ZNF366: variants seen among roughly 807,000 people sequenced by gnomAD.
ZNF366 encodes the protein dendritic cell-specific transcript protein.
In ZNF366, 20 loss-of-function variants were observed where a neutral mutation model predicts 47.2. The observed-to-expected ratio is 0.42, with a 90% CI of 0.30 to 0.62. The LOEUF is 0.62. Among genes scored for constraint, ZNF366 ranks in the 20% least tolerant of loss-of-function variants. The pLI is 0.16. For missense variants in ZNF366, 987 were observed against 976.3 expected (o/e 1.01, Z -0.15); for synonymous variants, 421 against 395.1 (o/e 1.07, Z -0.78).
At position 72,499,783 on chromosome 5, in the gene ZNF366, A is replaced by G. The variant is rs1482036360; in HGVS notation, c.-15+7468T>C. On this transcript the variant is annotated intron_variant, in intron 1 of 4. Transcript: ENST00000318442. ...TAGGCGTTCCATTAAACAGCGCTGA[A>G]AACCTGAAATTCCTCATCTCCCTGC... Among the ~76,000 whole-genome samples the G allele has an allele frequency of 2.0e-5, 3 of 152,088 alleles. No individual in the cohort carries two copies. In the East Asian group the frequency reaches 5.8e-4, roughly 29 times the overall value.
chr5:72,495,023 A>G (rs889485101), intron 1 of ZNF366, among the ~76,000 whole-genome samples: 1 of 152,124 alleles, frequency 6.6e-6, no homozygotes, highest in Non-Finnish European at 1.5e-5. Context: ...ACTCCAGGGG[A>G]TGGAATCTTG....
At chr5:72,455,446 G>C (rs1390606056) in intron 3 of ZNF366, among the ~76,000 whole-genome samples, 2 of 152,130 alleles carry the variant, frequency 1.3e-5, no homozygotes, top group Admixed American at 6.5e-5. Context: ...CAAACAGAAG[G>C]GCTGTAACGA....
rs1374760309 is a variant in ZNF366 at position 72,441,212 on chromosome 5, C to T, written c.*2544G>A. The T allele has an allele frequency of 6.6e-6, 1 of 152,206 alleles. No homozygotes were observed. The highest frequency in any genetic ancestry group is 2.4e-5 in the African/African-American group (1 of 41,446). The allele number at this position is 152,206 out of a possible 1,614,324, so 9.4% of individuals were successfully genotyped here. A position where few individuals can be genotyped will look rare whatever the true frequency, so the allele number is the denominator to read the frequency against. On this transcript the variant is annotated 3_prime_UTR_variant, in exon 5 of 5. Coordinates refer to ENST00000318442, the MANE Select transcript of ZNF366 (RefSeq NM_152625.3). ...TTGGAAAGGACTAGAGCCTGTTACTCTAGAATTTCCTGGTTTCCATTCCAG... is the reference window on the plus strand; with the variant it reads ...TTGGAAAGGACTAGAGCCTGTTACTTTAGAATTTCCTGGTTTCCATTCCAG...
chr5:72,447,265 C>G lies in ZNF366; in HGVS notation c.1677G>C (p.Met559Ile). 1 of 1,614,200 alleles carries G rather than the reference C, an allele frequency of 6.2e-7. No individual in the cohort carries two copies. Among genetic ancestry groups the G allele is most frequent in the Non-Finnish European group, 8.5e-7 (1 of 1,180,034 alleles). ...TACCTTGGGAATGAAGGCCCCGCTC[C>G]ATGACTCCATGCTTGACTTTCATGT... is the stretch of plus-strand genomic sequence containing the variant. ...TRHMKVKHGV[M>I]ERGLHSQGLG... is the part of the protein sequence containing the mutation. Residue 559 changes from methionine (M) to isoleucine (I), a missense_variant, in exon 4 of 5, where the codon ATG becomes ATC. This residue lies in a region of ZNF366 where 285 missense variants were observed against 234.8 expected (regional missense o/e 1.21). Coordinates refer to ENST00000318442, the MANE Select transcript of ZNF366 (RefSeq NM_152625.3).
intron 3 of ZNF366, among the ~76,000 whole-genome samples, chr5:72,455,147 G>C (rs1421905917): frequency 6.6e-6 from 1 of 152,164 alleles, no homozygotes; most frequent in East Asian, 1.9e-4. Flanking sequence ...AACAGAAGTG[G>C]GTGGCAGGAA....
intron 1 of ZNF366, among the ~76,000 whole-genome samples, chr5:72,485,276 G>A (rs1743871029): frequency 6.6e-6 from 1 of 152,136 alleles, no homozygotes; most frequent in Admixed American, 6.5e-5. Flanking sequence ...TGCTCCATGA[G>A]GTCAGGGATC....
chr5:72,504,088 C>T (rs544044983), intron 1 of ZNF366, among the ~76,000 whole-genome samples: 32 of 151,674 alleles, frequency 2.1e-4, no homozygotes, highest in South Asian at 1.3e-3. Flanking sequence ...CACATGCGCG[C>T]GCACACACGC....
At chr5:72,469,781 C>T (rs1217370028) in intron 1 of ZNF366, among the ~76,000 whole-genome samples, 1 of 152,192 alleles carries the variant, frequency 6.6e-6, no homozygotes, top group Non-Finnish European at 1.5e-5. Context: ...CACAGTGGCT[C>T]ACGCCTGTAA....
At chr5:72,483,848 GT>G in intron 1 of ZNF366, among the ~76,000 whole-genome samples, 1 of 152,150 alleles carries the variant, frequency 6.6e-6, no homozygotes, top group Middle Eastern at 3.4e-3. Flanking sequence ...CCTCAAGCAG[GT>G]TTTTTCATCT....
At chr5:72,444,609 A>ATTTT (rs34574712) in intron 4 of ZNF366, among the ~76,000 whole-genome samples, 10 of 150,526 alleles carry the variant, frequency 6.6e-5, no homozygotes, top group Non-Finnish European at 1.3e-4. Flanking sequence ...ATATCACCAT[A>ATTTT]TTTTTTTTTT....
chr5:72,489,347 T>A (rs1743960675), intron 1 of ZNF366, among the ~76,000 whole-genome samples: 1 of 152,230 alleles, frequency 6.6e-6, no homozygotes, highest in Admixed American at 6.5e-5. Context: ...ATGACCTGGA[T>A]TTATATAGTG....
intron 1 of ZNF366, among the ~76,000 whole-genome samples, chr5:72,473,706 C>A (rs962160346): frequency 6.6e-6 from 1 of 152,194 alleles, no homozygotes; most frequent in African/African-American, 2.4e-5. Context: ...TGTTTCAAAT[C>A]CTATGACATT....
chr5:72,446,514 C>A (rs1385154639), intron 4 of ZNF366, among the ~76,000 whole-genome samples: 1 of 152,166 alleles, frequency 6.6e-6, no homozygotes, highest in African/African-American at 2.4e-5. Context: ...AGATCTGGAA[C>A]ATAAACTCTT....
chr5:72,471,452 G>A (rs1561197608), intron 1 of ZNF366, among the ~76,000 whole-genome samples: 1 of 152,072 alleles, frequency 6.6e-6, no homozygotes, highest in African/African-American at 2.4e-5. Flanking sequence ...TGTACAGATA[G>A]CCTAGCTCTA....
chr5:72,469,938 A>G (rs116906681), intron 1 of ZNF366, among the ~76,000 whole-genome samples: 4,790 of 152,232 alleles, frequency 0.031, 144 homozygotes, highest in East Asian at 0.086. Flanking sequence ...CCAGCTACTC[A>G]GGACGCTGAG....
rs72761170 is a variant in ZNF366 at position 72,443,312 on chromosome 5, C to T, written c.*444G>A. On this transcript the variant is annotated 3_prime_UTR_variant, in exon 5 of 5. Transcript: ENST00000318442. ...ATAAAGGCTATTTTTATATATATGA[C>T]GACTAATATTTTCATCTATATGGAA... 0.22 allele frequency: 34,354 copies of T among 154,336 alleles called. 4,037 individuals are homozygous for T. Among genetic ancestry groups the T allele is most frequent in the Non-Finnish European group, 0.26 (18,295 of 69,536 alleles). 9.6% of individuals were successfully genotyped at this position (154,336 alleles called of 1,614,324 possible).
At chr5:72,484,307 A>T (rs1409278340) in intron 1 of ZNF366, among the ~76,000 whole-genome samples, 1 of 150,876 alleles carries the variant, frequency 6.6e-6, no homozygotes, top group African/African-American at 2.4e-5. Flanking sequence ...AAACGGTGAA[A>T]CCCCGTCTCT....
rs546762965 is a variant in ZNF366 at position 72,504,440 on chromosome 5, T to C, written c.-15+2811A>G. ...CACGTTCATCTAAGTTGAAAACTTT[T>C]ATCCCGAGACAAACTTTCCCCTGCA... On this transcript the variant is annotated intron_variant, in intron 1 of 4. Transcript: ENST00000318442. Among the ~76,000 whole-genome samples the C allele has an allele frequency of 8.5e-5, 13 of 152,352 alleles. No homozygotes were observed. The East Asian group carries it at 2.5e-3, about 29-fold the overall frequency.
chr5:72,453,212 T>G (rs893863733), intron 3 of ZNF366, among the ~76,000 whole-genome samples: 1 of 152,194 alleles, frequency 6.6e-6, no homozygotes, highest in African/African-American at 2.4e-5. Context: ...AAGAAGGAAT[T>G]TTAATGGTGA....
Sources: allele counts gnomAD v4.1 joint callset (sites outside exome capture counted in the v4.1 genomes callset), GRCh38; gene constraint gnomAD v4.1.1; regional missense constraint gnomAD v4.1.1; transcripts MANE v1.5; gene names NCBI Gene and HGNC (gene_info 2026-07-23, HGNC 2026-07-21).